The following SLC5A8 variants were observed in gnomAD, a reference collection of about 807,000 sequenced individuals.
The protein encoded by SLC5A8 is solute carrier family 5 member 8.
A neutral mutation model predicts 71.9 loss-of-function variants in SLC5A8; 55 were observed. That is an observed-to-expected ratio of 0.77 (90% confidence interval 0.62 to 0.96). SLC5A8 has a LOEUF of 0.96. Among genes scored for constraint, SLC5A8 ranks in the 40% least tolerant of loss-of-function variants. SLC5A8 has a pLI of 0.00. For synonymous variants in SLC5A8, 307 were observed against 276.1 expected (o/e 1.11, Z -1.11); for missense variants, 701 against 745.3 (o/e 0.94, Z 0.69).
At chr12:101,159,192 T>C (rs2051703117) in intron 13 of SLC5A8, among the ~76,000 whole-genome samples, 1 of 152,132 alleles carries the variant, frequency 6.6e-6, no homozygotes, top group African/African-American at 2.4e-5. Flanking sequence ...TTATGCCCTC[T>C]AAAGTTTAAG....
At position 101,168,098 on chromosome 12, in the gene SLC5A8, T is replaced by C. The variant is rs769923063; in HGVS notation, c.1318A>G (p.Ile440Val). Reference sequence around the variant, plus strand: ...GCATATTCATTCTTTGTACTTACAATTGAGTTGGCAAAGGGAACCAAAATG... The same window carrying C: ...GCATATTCATTCTTTGTACTTACAACTGAGTTGGCAAAGGGAACCAAAATG... ...LGILVPFANS[I>V]GALVGLMAGF... The change falls in exon 11 of 15, where the codon ATT (isoleucine) becomes GTT (valine). Residue 440 changes from isoleucine (I) to valine (V), a missense_variant and splice_region_variant. By Grantham distance (29) the Ile-to-Val change is conservative. Transcript: ENST00000536262. 1.6e-5 allele frequency: 25 copies of C among 1,606,100 alleles called. 1 individual carries two copies. In the East Asian group the frequency reaches 2.5e-4, roughly 16 times the overall value.
intron 5 of SLC5A8, among the ~76,000 whole-genome samples, chr12:101,190,825 G>A (rs756696332): frequency 2.6e-5 from 4 of 152,068 alleles, no homozygotes; most frequent in Non-Finnish European, 4.4e-5. Flanking sequence ...AATACTAGAA[G>A]AGACTGGGGG....
At chr12:101,197,041 AAC>A (rs1869208566) in intron 3 of SLC5A8, among the ~76,000 whole-genome samples, 1 of 152,224 alleles carries the variant, frequency 6.6e-6, no homozygotes, top group South Asian at 2.1e-4. Flanking sequence ...TAATAATACT[AAC>A]GATAATGCTA....
At chr12:101,169,099 T>C (rs1400003265) in intron 10 of SLC5A8, among the ~76,000 whole-genome samples, 3 of 152,160 alleles carry the variant, frequency 2.0e-5, no homozygotes, top group African/African-American at 7.2e-5. Context: ...GACTCAAGGA[T>C]GTGATCCTGA....
At position 101,182,892 on chromosome 12, in the gene SLC5A8, G is replaced by C. The variant is rs1868431524; in HGVS notation, c.1076C>G (p.Ala359Gly). 1 of 1,587,560 alleles carries C rather than the reference G, an allele frequency of 6.3e-7. No homozygotes were observed. The highest frequency in any genetic ancestry group is 1.7e-4 in the Middle Eastern group (1 of 6,008). The part of the protein sequence containing the change: ...TLSTVSSSIN[A>G]LAAVTVEDLI... Reference sequence around the variant, plus strand: ...ATCTTCCACAGTTACTGCTGCTAAGGCATTAATACTGGAGGACACTGTGCT... The same window carrying C: ...ATCTTCCACAGTTACTGCTGCTAAGCCATTAATACTGGAGGACACTGTGCT... The change falls in exon 9 of 15, where the codon GCC becomes GGC. Residue 359 changes from alanine to glycine, a missense_variant. By Grantham distance (60) the Ala-to-Gly change is moderately conservative. Coordinates refer to ENST00000536262, the MANE Select transcript of SLC5A8 (RefSeq NM_145913.5).
intron 6 of SLC5A8, among the ~76,000 whole-genome samples, chr12:101,189,309 T>C (rs972838305): frequency 3.9e-5 from 6 of 152,214 alleles, no homozygotes; most frequent in Admixed American, 3.9e-4. Context: ...GGGGATCCCA[T>C]ATCTGGTTAT....
intron 10 of SLC5A8, 140 bp from the exon 11 acceptor site, chr12:101,168,322 C>T (rs949590447): frequency 6.9e-5 from 54 of 781,932 alleles, no homozygotes; most frequent in Admixed American, 4.4e-4. Flanking sequence ...AGCCTTATCA[C>T]TGGAAAAGAA....
chr12:101,160,520 T>C (rs1466115370), intron 13 of SLC5A8, among the ~76,000 whole-genome samples: 1 of 152,104 alleles, frequency 6.6e-6, no homozygotes, highest in Non-Finnish European at 1.5e-5. Flanking sequence ...TTGTAACACA[T>C]GTTGAAGGAG....
At chr12:101,172,603 T>C (rs950609109) in intron 10 of SLC5A8, among the ~76,000 whole-genome samples, 12 of 152,014 alleles carry the variant, frequency 7.9e-5, no homozygotes, top group African/African-American at 2.9e-4. Context: ...GGCTGCAAGG[T>C]CCTGTGTGGT....
intron 10 of SLC5A8, among the ~76,000 whole-genome samples, chr12:101,175,515 A>G (rs1422549599): frequency 3.9e-5 from 6 of 152,080 alleles, no homozygotes; most frequent in Admixed American, 3.3e-4. Context: ...ATAGGAAAAG[A>G]AAGAAACACG....
At chr12:101,166,196 G>A (rs1316080241) in intron 12 of SLC5A8, among the ~76,000 whole-genome samples, 1 of 152,178 alleles carries the variant, frequency 6.6e-6, no homozygotes, top group Non-Finnish European at 1.5e-5. Flanking sequence ...CCAAGACAAA[G>A]ATAATTCTTC....
At chr12:101,196,225 G>A (rs768439081) in intron 3 of SLC5A8, among the ~76,000 whole-genome samples, 3 of 152,042 alleles carry the variant, frequency 2.0e-5, no homozygotes, top group Non-Finnish European at 2.9e-5. Flanking sequence ...ATGTAAACAC[G>A]CAATTTCACC....
chr12:101,164,171 A>G (rs1374835295), intron 12 of SLC5A8, among the ~76,000 whole-genome samples: 2 of 152,220 alleles, frequency 1.3e-5, no homozygotes, highest in Non-Finnish European at 1.5e-5. Flanking sequence ...TTAAAAGAGT[A>G]AAAAGGTAAC....
chr12:101,162,030 C>T lies in SLC5A8; in HGVS notation c.1574G>A (p.Ser525Asn). The T allele has an allele frequency of 6.2e-7, 1 of 1,613,712 alleles. No homozygotes were observed. The highest frequency in any genetic ancestry group is 8.5e-7 in the Non-Finnish European group (1 of 1,179,816). Residue 525 changes from serine (S) to asparagine (N), a missense_variant, in exon 13 of 15, where the codon AGC becomes AAC. Ser to Asn is a conservative substitution (Grantham distance 46). Transcript: ENST00000536262. ...NWYSLSYLYF[S>N]TVGTLVTLLV... is the part of the protein sequence containing the mutation. The stretch of plus-strand genomic sequence containing the variant: ...TAATGTTACCAAAGTTCCAACAGTG[C>T]TGAAGTACAGATATGATAAAGAATA...
In SLC5A8 at chr12:101,157,234, A is replaced by G; in HGVS notation, c.*45T>C. 1 of 1,592,770 alleles carries G rather than the reference A, an allele frequency of 6.3e-7. No homozygotes were observed. The highest frequency in any genetic ancestry group is 8.6e-7 in the Non-Finnish European group (1 of 1,166,496). On this transcript the variant is annotated 3_prime_UTR_variant, in exon 15 of 15. Coordinates refer to ENST00000536262, the MANE Select transcript of SLC5A8 (RefSeq NM_145913.5). ...CTGATCCAATTATCTTAGAAAACAT[A>G]TAAAATTGAAACATCATTTAAGGAT... is the stretch of plus-strand genomic sequence containing the variant.
chr12:101,160,237 A>G (rs1188826952), intron 13 of SLC5A8, among the ~76,000 whole-genome samples: 1 of 152,168 alleles, frequency 6.6e-6, no homozygotes, highest in Non-Finnish European at 1.5e-5. Context: ...AACTGGACCA[A>G]ACAAATTAAT....
Position 101,180,022 on chromosome 12 carries a change from C to G in SLC5A8, c.1233+7G>C. The G allele has an allele frequency of 6.2e-7, 1 of 1,613,948 alleles. No homozygotes were observed. The highest frequency in any genetic ancestry group is 8.5e-7 in the Non-Finnish European group (1 of 1,179,862). On this transcript the variant is annotated splice_region_variant and intron_variant, in intron 10 of 14. Transcript: ENST00000536262. ...TATGACTTAAACCTCCAGGGGCCAG[C>G]TCTCACCTGCAACAAAGCTCCCATA...
chr12:101,210,191 CTGCTTCCAG>C lies in SLC5A8; in HGVS notation c.-352_-344del. 2 of 282,610 alleles carry C rather than the reference CTGCTTCCAG, an allele frequency of 7.1e-6. No individual in the cohort carries two copies. The highest frequency in any genetic ancestry group is 1.3e-5 in the Non-Finnish European group (2 of 153,584). 17.5% of individuals were successfully genotyped at this position (282,610 alleles called of 1,614,324 possible). ...AGCAGATGAGAACTGGAGCCTCCAG[CTGCTTCCAG>C]CGAATCTACACAGGGAGCGCTCTGG... On this transcript the variant is annotated 5_prime_UTR_variant, in exon 1 of 15. Transcript: ENST00000536262.
At chr12:101,192,531 C>A (rs1268240344) in intron 5 of SLC5A8, among the ~76,000 whole-genome samples, 1 of 152,124 alleles carries the variant, frequency 6.6e-6, no homozygotes, top group African/African-American at 2.4e-5. Flanking sequence ...ACTATTGATC[C>A]AAAACGGAAG....
Sources: gnomAD v4.1 joint callset for allele counts (sites outside exome capture counted in the v4.1 genomes callset) on GRCh38, gnomAD v4.1.1 for gene constraint, MANE v1.5 for transcripts, NCBI Gene and HGNC (gene_info 2026-07-23, HGNC 2026-07-21) for gene names.